RPS6KA3: variants seen among roughly 807,000 people sequenced by gnomAD.
The protein encoded by RPS6KA3 is ribosomal protein S6 kinase alpha-3.
Under a neutral mutation model 67.2 loss-of-function variants are expected in RPS6KA3, and 4 were observed. The ratio of observed to expected loss-of-function variants is 0.06; its 90% CI spans 0.03 to 0.14. The LOEUF is 0.14. Ranked by LOEUF, RPS6KA3 falls within the 10% of genes least tolerant of loss-of-function variation. The pLI is 1.00. For missense variants in RPS6KA3, 204 were observed against 559.0 expected (o/e 0.36, Z 6.40); for synonymous variants, 182 against 183.7 (o/e 0.99, Z 0.07).
chrX:20,172,673 T>G (rs2067601514), intron 15 of RPS6KA3, 73 bp downstream of exon 15: 1 of 910,583 alleles, frequency 1.1e-6, no homozygotes, highest in Admixed American at 2.7e-5. Flanking sequence ...ACAAGGGGAG[T>G]GTAATTTTTA....
upstream of RPS6KA3, chrX:20,267,075 C>A (rs2070419403): frequency 1.3e-6 from 1 of 755,218 alleles, no homozygotes; most frequent in Non-Finnish European, 1.6e-6. Context: ...CCGCCACCAC[C>A]GCCGCGCGCA....
At chrX:20,192,673 T>C (rs1340596367) in intron 7 of RPS6KA3, among the ~76,000 whole-genome samples, 2 of 95,538 alleles carry the variant, frequency 2.1e-5, no homozygotes, top group Non-Finnish European at 4.1e-5. Flanking sequence ...CGATCTTGGC[T>C]CACTGCAGCC....
intron 2 of RPS6KA3, among the ~76,000 whole-genome samples, 156 bp from the exon 3 acceptor site, chrX:20,209,560 C>T (rs2068657856): frequency 9.0e-6 from 1 of 111,540 alleles, no homozygotes; most frequent in Non-Finnish European, 1.9e-5. Context: ...ATACAAAAAC[C>T]ACCTTTTACC....
At chrX:20,215,367 C>T (rs1030607175) in intron 2 of RPS6KA3, among the ~76,000 whole-genome samples, 3 of 110,904 alleles carry the variant, frequency 2.7e-5, no homozygotes, top group Non-Finnish European at 3.8e-5. Context: ...TCAGAGAGTA[C>T]GGAAAATACT....
chrX:20,214,824 CT>C (rs1255609387), intron 2 of RPS6KA3, among the ~76,000 whole-genome samples: 20 of 105,136 alleles, frequency 1.9e-4, no homozygotes, highest in Admixed American at 4.1e-4. Flanking sequence ...TCTGTTTCCA[CT>C]TTTTTTTCTT....
intron 1 of RPS6KA3, among the ~76,000 whole-genome samples, chrX:20,245,886 G>A (rs377263579): frequency 3.6e-5 from 4 of 110,668 alleles, no homozygotes; most frequent in African/African-American, 9.9e-5. Flanking sequence ...TTGGGAGGCC[G>A]AGGCAGGAGG....
rs1156548108 is a variant in RPS6KA3 at position 20,266,800 on chromosome X, G to C, written c.-168C>G. 2.9e-6 allele frequency: 1 copy of C among 348,751 alleles called. No homozygotes were observed. Among genetic ancestry groups the C allele is most frequent in the East Asian group, 2.1e-4 (1 of 4,691 alleles). 28.7% of individuals were successfully genotyped at this position (348,751 alleles called of 1,213,427 possible). Reference sequence around the variant, plus strand: ...GCAGCAGCGGCGGCGGCCCCAGAGAGGGCTCGACGCCGACGCCGACCGCCC... The same window carrying C: ...GCAGCAGCGGCGGCGGCCCCAGAGACGGCTCGACGCCGACGCCGACCGCCC... On this transcript the variant is annotated 5_prime_UTR_variant, in exon 1 of 22. Coordinates refer to ENST00000379565, the MANE Select transcript of RPS6KA3 (RefSeq NM_004586.3).
intron 2 of RPS6KA3, among the ~76,000 whole-genome samples, chrX:20,210,553 C>T (rs1365964016): frequency 9.0e-6 from 1 of 111,118 alleles, no homozygotes; most frequent in East Asian, 2.8e-4. Flanking sequence ...TACCAGAATA[C>T]CCTAACATGG....
chrX:20,193,683 A>T, intron 6 of RPS6KA3, 90 bp from the exon 7 acceptor site: 2 of 525,472 alleles, frequency 3.8e-6, no homozygotes, highest in Non-Finnish European at 6.3e-6. Context: ...TATCCTAAAA[A>T]TTTTATAAAT....
At chrX:20,177,403 AAT>A (rs1463005343) in intron 10 of RPS6KA3, among the ~76,000 whole-genome samples, 10 of 112,559 alleles carry the variant, frequency 8.9e-5, no homozygotes, top group Non-Finnish European at 1.9e-4. Context: ...CTTCTGTATG[AAT>A]ATGTCACAGT....
intron 7 of RPS6KA3, among the ~76,000 whole-genome samples, chrX:20,189,000 C>T (rs914249444): frequency 1.5e-4 from 17 of 112,355 alleles, no homozygotes; most frequent in African/African-American, 5.5e-4. Flanking sequence ...TCTTGAACTG[C>T]TGGGCTCAAG....
intron 3 of RPS6KA3, among the ~76,000 whole-genome samples, chrX:20,204,433 T>C (rs1403924458): frequency 1.8e-5 from 2 of 112,101 alleles, no homozygotes; most frequent in African/African-American, 6.5e-5. Flanking sequence ...ATAACACAGG[T>C]GGTATGATGT....
In RPS6KA3 at chrX:20,155,341, G is replaced by T; in HGVS notation, c.*57C>A. On this transcript the variant is annotated 3_prime_UTR_variant, in exon 22 of 22. Transcript: ENST00000379565. ...GTCTCTCAGATACGTGCTACCTGTC[G>T]CCAGAACTTGTGCTATCAGCTTACA... is the stretch of plus-strand genomic sequence containing the variant. 1 of 1,194,322 alleles carries T rather than the reference G, an allele frequency of 8.4e-7. No homozygotes were observed.
intron 2 of RPS6KA3, among the ~76,000 whole-genome samples, chrX:20,209,675 T>G (rs2068660592): frequency 8.9e-6 from 1 of 111,860 alleles, no homozygotes. Flanking sequence ...CTACATGACA[T>G]TTAGTACTAA....
chrX:20,200,829 C>T (rs2068412703), intron 4 of RPS6KA3, among the ~76,000 whole-genome samples: 1 of 110,805 alleles, frequency 9.0e-6, no homozygotes, highest in Non-Finnish European at 1.9e-5. Flanking sequence ...ACGACAGGCA[C>T]ACGCCACCAG....
At chrX:20,204,435 G>A (rs1300700105) in intron 3 of RPS6KA3, among the ~76,000 whole-genome samples, 2 of 112,191 alleles carry the variant, frequency 1.8e-5, no homozygotes, top group Non-Finnish European at 3.8e-5. Context: ...AACACAGGTG[G>A]TATGATGTCC....
At chrX:20,201,621 A>G (rs2068435588) in intron 4 of RPS6KA3, among the ~76,000 whole-genome samples, 2 of 111,353 alleles carry the variant, frequency 1.8e-5, no homozygotes, top group Middle Eastern at 4.6e-3. Flanking sequence ...ATATTGCAAG[A>G]AAGAGTTTTC....
chrX:20,174,560 G>T (rs1453985828), intron 14 of RPS6KA3, among the ~76,000 whole-genome samples: 1 of 108,122 alleles, frequency 9.2e-6, no homozygotes, highest in Non-Finnish European at 1.9e-5. Context: ...TGTTGGACAG[G>T]CTGGTCTCGA....
intron 2 of RPS6KA3, among the ~76,000 whole-genome samples, chrX:20,222,579 G>C (rs2069010738): frequency 9.0e-6 from 1 of 111,535 alleles, no homozygotes; most frequent in African/African-American, 3.3e-5. Context: ...CCATAAGACT[G>C]GTTTCTCTGC....
Sources: gnomAD v4.1 joint callset for allele counts (sites outside exome capture counted in the v4.1 genomes callset) on GRCh38, gnomAD v4.1.1 for gene constraint, MANE v1.5 for transcripts, NCBI Gene and HGNC (gene_info 2026-07-23, HGNC 2026-07-21) for gene names.